MBP: variants seen among roughly 807,000 people sequenced by gnomAD.
MBP encodes the protein myelin basic protein, also known as Golli-MBP.
Under a neutral mutation model 35.8 loss-of-function variants are expected in MBP, and 16 were observed. The observed-to-expected ratio is 0.45, with a 90% CI of 0.30 to 0.68. The LOEUF is 0.68. MBP is among the 30% of genes least tolerant of loss of function. MBP has a pLI of 0.08. For missense variants in MBP, 380 were observed against 404.7 expected (o/e 0.94, Z 0.52); for synonymous variants, 143 against 159.6 (o/e 0.90, Z 0.78).
Position 76,980,361 on chromosome 18 carries a change from G to T in MBP, c.*66C>A. The T allele has an allele frequency of 7.0e-7, 1 of 1,424,342 alleles. No individual in the cohort carries two copies. The highest frequency in any genetic ancestry group is 9.9e-7 in the Non-Finnish European group (1 of 1,006,730). The allele number at this position is 1,424,342 out of a possible 1,614,324, so 88.2% of individuals were successfully genotyped here. ...CTCTAATTAGGTAACAGGGGCAAGT[G>T]GGATTAAAGTTTTAAGGCAGTTATA... is the stretch of plus-strand genomic sequence containing the variant. On this transcript the variant is annotated 3_prime_UTR_variant, in exon 9 of 9. Transcript: ENST00000355994.
upstream of MBP, among the ~76,000 whole-genome samples, chr18:77,133,303 G>A (rs777909772): frequency 1.2e-4 from 18 of 152,194 alleles, no homozygotes; most frequent in African/African-American, 3.4e-4. Context: ...GCCCATGTCC[G>A]GCTGGCAGGT....
chr18:77,101,111 C>T lies in MBP; in HGVS notation c.51+4100G>A, dbSNP rs182675046. ...GTAGCCAGTGAAGCCAAGTGTCTTA[C>T]GTCCTAAGGACCAAGGACTGCCAGG... is the stretch of plus-strand genomic sequence containing the variant. On this transcript the variant is annotated intron_variant, in intron 2 of 8. Coordinates refer to ENST00000355994, the MANE Select transcript of MBP (RefSeq NM_001025101.2). The surrounding 1 kb of genome is among the most constrained non-coding windows in gnomAD (Gnocchi z 4.3). Among the ~76,000 whole-genome samples, 329 of 152,360 alleles carry T rather than the reference C, an allele frequency of 2.2e-3. 1 individual carries two copies. Among genetic ancestry groups the T allele is most frequent in the African/African-American group, 7.0e-3 (293 of 41,590 alleles).
chr18:77,128,409 A>G (rs1196331322), intron 1 of MBP, among the ~76,000 whole-genome samples: 2 of 152,256 alleles, frequency 1.3e-5, no homozygotes, highest in Admixed American at 1.3e-4. Context: ...GCTTGGCTAT[A>G]AAGAGTAGCA....
intron 3 of MBP, among the ~76,000 whole-genome samples, chr18:77,049,681 T>TTTA (rs1973403246): frequency 6.6e-6 from 1 of 151,186 alleles, no homozygotes; most frequent in East Asian, 1.9e-4. Context: ...TTAATTTTTA[T>TTTA]TTTATTTTAT....
intron 4 of MBP, chr18:77,009,771 C>T (rs995265636): frequency 1.8e-5 from 24 of 1,321,580 alleles, no homozygotes; most frequent in Admixed American, 4.2e-5. Flanking sequence ...CTACCTGCCC[C>T]GAGGGACAGT....
chr18:77,119,996 C>T (rs1976840300), intron 1 of MBP, among the ~76,000 whole-genome samples: 1 of 152,156 alleles, frequency 6.6e-6, no homozygotes, highest in Admixed American at 6.5e-5. Flanking sequence ...TGACTCTCCT[C>T]CAGGGCAGAC....
intron 3 of MBP, among the ~76,000 whole-genome samples, chr18:77,051,866 A>G (rs1380867581): frequency 6.6e-6 from 1 of 151,928 alleles, no homozygotes; most frequent in Non-Finnish European, 1.5e-5. Flanking sequence ...TTTTTTTAAC[A>G]CCTTGTTTCT....
rs1015817039 is a variant in MBP at position 76,979,924 on chromosome 18, A to G, written c.*503T>C. On this transcript the variant is annotated 3_prime_UTR_variant, in exon 9 of 9. Transcript: ENST00000355994. Reference sequence around the variant, plus strand: ...CCTTGACTGTCTAATCCTGTTAGGAAAAATGAAGTCTACTTTAGGAGGTGA... The same window carrying G: ...CCTTGACTGTCTAATCCTGTTAGGAGAAATGAAGTCTACTTTAGGAGGTGA... 1.4e-6 allele frequency: 1 copy of G among 702,028 alleles called. No homozygotes were observed. Among genetic ancestry groups the G allele is most frequent in the African/African-American group, 1.7e-5 (1 of 57,256 alleles). 43.5% of individuals were successfully genotyped at this position (702,028 alleles called of 1,614,324 possible).
At chr18:77,046,348 C>G (rs964704798) in intron 3 of MBP, among the ~76,000 whole-genome samples, 2 of 152,208 alleles carry the variant, frequency 1.3e-5, no homozygotes, top group African/African-American at 4.8e-5. Context: ...CCCTGGCCCA[C>G]TTTTCTTCCC....
Position 76,989,037 on chromosome 18 carries a change from G to A in MBP, c.682-125C>T, listed in dbSNP as rs780357333. 7.2e-6 allele frequency: 6 copies of A among 831,898 alleles called. No individual in the cohort carries two copies. The highest frequency in any genetic ancestry group is 2.4e-5 in the East Asian group (1 of 41,470). 51.5% of individuals were successfully genotyped at this position (831,898 alleles called of 1,614,324 possible). Reference sequence around the variant, plus strand: ...GCTGCCAGAAGCACCCGGGTGCCCAGCCTCCCCACTTCTGTCCTAGTTGGT... The same window carrying A: ...GCTGCCAGAAGCACCCGGGTGCCCAACCTCCCCACTTCTGTCCTAGTTGGT... On this transcript the variant is annotated intron_variant, in intron 5 of 8. Coordinates refer to ENST00000355994, the MANE Select transcript of MBP (RefSeq NM_001025101.2). The surrounding 1 kb of genome is among the most constrained non-coding windows in gnomAD (Gnocchi z 4.0).
intron 1 of MBP, among the ~76,000 whole-genome samples, chr18:77,117,035 G>A (rs142296480): frequency 4.7e-4 from 71 of 152,278 alleles, no homozygotes; most frequent in African/African-American, 1.7e-3. Flanking sequence ...GATACTTGAA[G>A]TCCTGGATTT....
rs1397114730 is a variant in MBP at position 77,020,579 on chromosome 18, C to A, written c.140-3311G>T. On this transcript the variant is annotated intron_variant, in intron 3 of 8. Transcript: ENST00000355994. The surrounding 1 kb of genome is among the most constrained non-coding windows in gnomAD (Gnocchi z 4.1). ...GGGAGGCTGAATTTCCCAGCACATG[C>A]TGTGACCCCATGTGTGACATGCTGT... is the stretch of plus-strand genomic sequence containing the variant. 6.6e-6 allele frequency among the ~76,000 whole-genome samples: 1 copy of A among 152,228 alleles called. No homozygotes were observed. Among genetic ancestry groups the A allele is most frequent in the East Asian group, 1.9e-4 (1 of 5,194 alleles).
At chr18:77,089,442 AG>A (rs1054624325) in intron 2 of MBP, among the ~76,000 whole-genome samples, 1 of 152,246 alleles carries the variant, frequency 6.6e-6, no homozygotes, top group Non-Finnish European at 1.5e-5. Flanking sequence ...GGGAGAAGGC[AG>A]GGGCAGAAAC....
intron 3 of MBP, among the ~76,000 whole-genome samples, chr18:77,026,657 G>T (rs943388229): frequency 1.3e-5 from 2 of 152,016 alleles, no homozygotes; most frequent in Non-Finnish European, 2.9e-5. Flanking sequence ...CTTCAGGCTG[G>T]AAGTTTGAGA....
chr18:76,997,761 C>A (rs1474338761), intron 4 of MBP, among the ~76,000 whole-genome samples: 10 of 150,952 alleles, frequency 6.6e-5, no homozygotes, highest in Admixed American at 6.6e-4. Flanking sequence ...CGGCTCACTG[C>A]AAGCTCCGCC....
intron 3 of MBP, among the ~76,000 whole-genome samples, chr18:77,019,455 CAA>C (rs996316828): frequency 1.4e-5 from 2 of 145,906 alleles, no homozygotes; most frequent in African/African-American, 5.1e-5. Flanking sequence ...GGGGCATCTA[CAA>C]ACCTCAGAAC....
chr18:77,074,448 C>T (rs1248686947), intron 2 of MBP, among the ~76,000 whole-genome samples: 1 of 152,140 alleles, frequency 6.6e-6, no homozygotes, highest in Non-Finnish European at 1.5e-5. Flanking sequence ...ATATGTATCA[C>T]ACTTTCGTAG....
chr18:77,102,266 T>C lies in MBP; in HGVS notation c.51+2945A>G, dbSNP rs960160182. ...GCTGCCCTCCCTGCTGACAGATCAG[T>C]AACCAGCACCTGAAACTGACAGAAA... On this transcript the variant is annotated intron_variant, in intron 2 of 8. Transcript: ENST00000355994. The surrounding 1 kb of genome is among the most constrained non-coding windows in gnomAD (Gnocchi z 4.4). 6.6e-6 allele frequency among the ~76,000 whole-genome samples: 1 copy of C among 152,144 alleles called. No homozygotes were observed. The highest frequency in any genetic ancestry group is 2.4e-5 in the African/African-American group (1 of 41,416).
intron 4 of MBP, among the ~76,000 whole-genome samples, chr18:77,010,950 G>A (rs1221713368): frequency 6.6e-6 from 1 of 152,214 alleles, no homozygotes; most frequent in African/African-American, 2.4e-5. Flanking sequence ...CAGCGTAATA[G>A]GTTTCAGGAG....
Sources: allele counts gnomAD v4.1 joint callset (sites outside exome capture counted in the v4.1 genomes callset), GRCh38; gene constraint gnomAD v4.1.1; non-coding constraint Gnocchi (gnomAD v3.1); transcripts MANE v1.5; gene names NCBI Gene and HGNC (gene_info 2026-07-23, HGNC 2026-07-21).